The following SUN1 variants were observed in gnomAD, a reference collection of about 807,000 sequenced individuals.
SUN1 encodes SUN domain-containing protein 1.
A neutral mutation model predicts 103.2 loss-of-function variants in SUN1; 61 were observed. That is an observed-to-expected ratio of 0.59 (90% CI 0.48 to 0.73). The LOEUF (loss-of-function observed/expected upper bound fraction) is 0.73, where lower values mean the gene tolerates loss of function less well. SUN1 is among the 30% of genes least tolerant of loss of function. SUN1 has a pLI of 0.00. For synonymous variants in SUN1, 490 were observed against 425.7 expected (o/e 1.15, Z -1.86); for missense variants, 1,052 against 1,034.6 (o/e 1.02, Z -0.23).
chr7:861,526 T>C, intron 15 of SUN1, 62 bp downstream of exon 15: 1 of 1,549,496 alleles, frequency 6.5e-7, no homozygotes, highest in South Asian at 1.1e-5. Context: ...GGGTGTGCAC[T>C]TGAGAGGCTG....
chr7:857,810 C>T lies in SUN1; in HGVS notation c.1395-18C>T. The T allele has an allele frequency of 6.4e-7, 1 of 1,564,680 alleles. No homozygotes were observed. The highest frequency in any genetic ancestry group is 1.2e-5 in the South Asian group (1 of 86,030). ...CTGGGAGGCTTGTGTGTGACCCATT[C>T]TCACTGTTGGATTCCAGTGCGGTTG... is the stretch of plus-strand genomic sequence containing the variant. On this transcript the variant is annotated intron_variant, in intron 12 of 18. Coordinates refer to ENST00000401592, the MANE Select transcript of SUN1 (RefSeq NM_001130965.3).
chr7:840,810 T>A (rs1183476307), intron 2 of SUN1, among the ~76,000 whole-genome samples: 1 of 149,106 alleles, frequency 6.7e-6, no homozygotes, highest in Non-Finnish European at 1.5e-5. Context: ...CCTGGCTAAT[T>A]TTTTGTATTT....
At position 874,902 on chromosome 7, in the gene SUN1, G is replaced by T. The variant is rs1843491242; in HGVS notation, c.*1571G>T. On this transcript the variant is annotated 3_prime_UTR_variant, in exon 19 of 19. Transcript: ENST00000401592. ...ATAAAGAGTTTTAATTTTTAAAAGG[G>T]CATGGGATATAAACAGTCTATTTCT... The T allele has an allele frequency of 6.6e-6, 1 of 152,198 alleles. No individual in the cohort carries two copies. Among genetic ancestry groups the T allele is most frequent in the Admixed American group, 6.5e-5 (1 of 15,282 alleles). 9.4% of individuals were successfully genotyped at this position (152,198 alleles called of 1,614,324 possible).
chr7:867,764 C>G, intron 16 of SUN1, among the ~76,000 whole-genome samples: 1 of 152,246 alleles, frequency 6.6e-6, no homozygotes, highest in East Asian at 1.9e-4. Flanking sequence ...CACCCCAGGA[C>G]CAAGGTGGAG....
chr7:830,432 A>G (rs1796881841), upstream of SUN1, among the ~76,000 whole-genome samples: 1 of 152,226 alleles, frequency 6.6e-6, no homozygotes, highest in Non-Finnish European at 1.5e-5. Context: ...CCTCGTTTCA[A>G]AGTGTTAGGA....
At chr7:854,445 C>T (rs1825245777) in intron 10 of SUN1, among the ~76,000 whole-genome samples, 2 of 152,264 alleles carry the variant, frequency 1.3e-5, no homozygotes, top group African/African-American at 2.4e-5. Flanking sequence ...GGTTCTCACT[C>T]GTATGGTCCC....
intron 13 of SUN1, 149 bp downstream of exon 13, chr7:858,106 A>G (rs1829197443): frequency 1.0e-6 from 1 of 999,884 alleles, no homozygotes; most frequent in Non-Finnish European, 1.4e-6. Context: ...GCTAGACTGC[A>G]GTGGCGCGAT....
At chr7:857,766 A>G in intron 12 of SUN1, 62 bp from the exon 13 acceptor site, 1 of 1,466,374 alleles carries the variant, frequency 6.8e-7, no homozygotes, top group Non-Finnish European at 9.1e-7. Context: ...GCCTGTGTGT[A>G]GTGTGGGAAG....
At chr7:831,559 C>T (rs1349525352), upstream of SUN1, among the ~76,000 whole-genome samples, 10 of 152,196 alleles carry the variant, frequency 6.6e-5, no homozygotes, top group Admixed American at 5.2e-4. Context: ...CGTGAGCCAC[C>T]GCACCCGGCC....
chr7:834,061 C>G (rs1478665868), intron 1 of SUN1, among the ~76,000 whole-genome samples: 1 of 149,018 alleles, frequency 6.7e-6, no homozygotes, highest in Non-Finnish European at 1.5e-5. Context: ...CAGGGGCTGG[C>G]CGGAGTGGTT....
upstream of SUN1, among the ~76,000 whole-genome samples, chr7:816,464 C>G (rs943446604): frequency 6.7e-6 from 1 of 149,194 alleles, no homozygotes; most frequent in African/African-American, 2.5e-5. Flanking sequence ...TCCCCTTCCC[C>G]CGCCTGGAGT....
intron 15 of SUN1, among the ~76,000 whole-genome samples, chr7:863,673 A>G (rs1185479247): frequency 6.6e-6 from 1 of 152,014 alleles, no homozygotes; most frequent in Non-Finnish European, 1.5e-5. Flanking sequence ...CAGCCTTTTC[A>G]CTGTAATTGG....
chr7:816,600 T>C, upstream of SUN1: 1 of 394,978 alleles, frequency 2.5e-6, no homozygotes, highest in East Asian at 1.4e-4. Context: ...CGGCCCGCGA[T>C]TGGCTGGCGT....
upstream of SUN1, chr7:832,183 A>G (rs977691326): frequency 6.1e-6 from 5 of 818,366 alleles, no homozygotes; most frequent in Non-Finnish European, 7.9e-6. Flanking sequence ...TTAAAAACAC[A>G]TCTTGAAGAG....
chr7:869,608 G>C, intron 17 of SUN1, 92 bp downstream of exon 17: 1 of 1,425,320 alleles, frequency 7.0e-7, no homozygotes. Flanking sequence ...GGGGACGGCT[G>C]CCTCCCGCTG....
intron 1 of SUN1, chr7:817,145 A>T: frequency 7.1e-6 from 3 of 422,804 alleles, no homozygotes; most frequent in South Asian, 7.0e-5. Flanking sequence ...TTTATTTAAG[A>T]GGGGGGGTCT....
chr7:827,069 C>A (rs1285502552), intron 1 of SUN1, among the ~76,000 whole-genome samples: 1 of 152,220 alleles, frequency 6.6e-6, no homozygotes, highest in Non-Finnish European at 1.5e-5. Flanking sequence ...GTCACCCAGG[C>A]TGGAGTGCAG....
intron 17 of SUN1, among the ~76,000 whole-genome samples, chr7:871,996 C>G (rs1289695033): frequency 6.6e-6 from 1 of 152,208 alleles, no homozygotes; most frequent in African/African-American, 2.4e-5. Flanking sequence ...AACCCTGACT[C>G]CCCACACCCC....
chr7:867,718 A>G (rs1486318734), intron 16 of SUN1, among the ~76,000 whole-genome samples: 2 of 152,248 alleles, frequency 1.3e-5, no homozygotes, highest in African/African-American at 4.8e-5. Context: ...GAATGTTTAC[A>G]GAACATAGGG....
Sources: gnomAD v4.1 joint callset for allele counts (sites outside exome capture counted in the v4.1 genomes callset) on GRCh38, gnomAD v4.1.1 for gene constraint, MANE v1.5 for transcripts, NCBI Gene and HGNC (gene_info 2026-07-23, HGNC 2026-07-21) for gene names.